The following TM6SF1 variants were observed in gnomAD, a reference collection of about 807,000 sequenced individuals.
The protein encoded by TM6SF1 is transmembrane 6 superfamily member 1.
Under a neutral mutation model 47.1 loss-of-function variants are expected in TM6SF1, and 43 were observed. That is an observed-to-expected ratio of 0.91 (90% CI 0.72 to 1.18). The LOEUF (loss-of-function observed/expected upper bound fraction) is 1.18. TM6SF1 is among the 50% of genes most tolerant of loss of function. The pLI is 0.00. For missense variants in TM6SF1, 390 were observed against 449.0 expected, an observed-to-expected ratio of 0.87 and a Z score of 1.19; for synonymous variants, 177 against 166.3, an observed-to-expected ratio of 1.06 and a Z score of -0.49.
At chr15:83,134,620 T>C (rs1015276288) in intron 9 of TM6SF1, 6 of 152,194 alleles carry the variant, frequency 3.9e-5, no homozygotes, top group African/African-American at 1.4e-4. Flanking sequence ...ATCACTGACT[T>C]TTTACACAGG....
At chr15:83,114,342 G>C (rs1262319402) in intron 2 of TM6SF1, 2 of 152,322 alleles carry the variant, frequency 1.3e-5, no homozygotes, top group African/African-American at 4.8e-5. Flanking sequence ...CTAGAAGGCA[G>C]AGACCATGTC....
In TM6SF1 at chr15:83,136,928, T is replaced by C. The variant is rs2036651822; in HGVS notation, c.*256T>C. 3.6e-6 allele frequency: 1 copy of C among 280,444 alleles called. No homozygotes were observed. The highest frequency in any genetic ancestry group is 6.7e-6 in the Non-Finnish European group (1 of 150,106). 17.4% of individuals were successfully genotyped at this position (280,444 alleles called of 1,614,324 possible). On this transcript the variant is annotated 3_prime_UTR_variant, in exon 10 of 10. Transcript: ENST00000322019. ...TAAACTTGATCATCCATCTCAATAT[T>C]GTTTGACATATAAAATAATTATAAG...
intron 3 of TM6SF1, among the ~76,000 whole-genome samples, chr15:83,119,285 A>G (rs1319605023): frequency 6.6e-6 from 1 of 152,234 alleles, no homozygotes; most frequent in Non-Finnish European, 1.5e-5. Flanking sequence ...CCATACAGCC[A>G]GGATTGCCTA....
At chr15:83,114,309 C>T (rs764290925) in intron 2 of TM6SF1, 6 of 152,342 alleles carry the variant, frequency 3.9e-5, no homozygotes, top group Non-Finnish European at 7.3e-5. Flanking sequence ...CAGGGTGAGG[C>T]TCAAGGCCAG....
At chr15:83,111,361 T>C (rs1486040724) in intron 1 of TM6SF1, among the ~76,000 whole-genome samples, 1 of 151,760 alleles carries the variant, frequency 6.6e-6, no homozygotes, top group Admixed American at 6.6e-5. Flanking sequence ...AATTCATCCA[T>C]CATCCATCCA....
chr15:83,126,354 A>AT (rs2035751580), intron 7 of TM6SF1, among the ~76,000 whole-genome samples: 1 of 152,140 alleles, frequency 6.6e-6, no homozygotes, highest in Non-Finnish European at 1.5e-5. Context: ...GGAAGGTGCT[A>AT]TTTTCAAATC....
chr15:83,134,645 T>C (rs1293595319), intron 9 of TM6SF1: 1 of 152,226 alleles, frequency 6.6e-6, no homozygotes. Context: ...CCTATGCAAG[T>C]AGGCACAACT....
intron 9 of TM6SF1, chr15:83,129,315 G>C (rs935276841): frequency 1.5e-4 from 23 of 152,220 alleles, no homozygotes; most frequent in African/African-American, 5.5e-4. Context: ...ACTCAGAGTA[G>C]CTTAACACAA....
intron 9 of TM6SF1, chr15:83,128,827 G>A (rs1440080560): frequency 1.3e-5 from 2 of 151,710 alleles, no homozygotes; most frequent in East Asian, 1.9e-4. Flanking sequence ...CCACCACTAA[G>A]TCCTTTTTTT....
In TM6SF1 at chr15:83,107,786, CGCGGCGGGGGTCGCGCCGAGGG is replaced by C. The variant is rs760480072; in HGVS notation, c.92+23_92+44del. On this transcript the variant is annotated intron_variant, in intron 1 of 9. Transcript: ENST00000322019. The surrounding 1 kb of genome is among the most constrained non-coding windows in gnomAD (Gnocchi z 5.6). ...GGCCCAGCATGAGTGAGTGAGCCGG[CGCGGCGGGGGTCGCGCCGAGGG>C]GCGGCGGGAGTTGGCTCGCCGCGAC... 79 of 1,572,260 alleles carry C rather than the reference CGCGGCGGGGGTCGCGCCGAGGG, an allele frequency of 5.0e-5. No homozygotes were observed. The highest frequency in any genetic ancestry group is 3.5e-4 in the East Asian group (14 of 40,356).
Position 83,121,902 on chromosome 15 carries a change from T to G in TM6SF1, c.399-19T>G, listed in dbSNP as rs199932062. 18 of 1,573,058 alleles carry G rather than the reference T, an allele frequency of 1.1e-5. No individual in the cohort carries two copies. Among genetic ancestry groups the G allele is most frequent in the South Asian group, 3.6e-5 (3 of 84,358 alleles). The stretch of plus-strand genomic sequence containing the variant: ...GACAAACATACCAAGTCAAGATTTT[T>G]TTGTTGTTGTTGTTACAGGGAAACT... On this transcript the variant is annotated intron_variant, in intron 4 of 9. Transcript: ENST00000322019.
chr15:83,123,879 C>G (rs1450682921), intron 6 of TM6SF1, among the ~76,000 whole-genome samples: 19 of 152,356 alleles, frequency 1.2e-4, no homozygotes, highest in East Asian at 1.9e-4. Context: ...GCCAAGCAGG[C>G]ATTGTCATAC....
chr15:83,126,788 TTATA>T lies in TM6SF1; in HGVS notation c.745_748del (p.Tyr249ArgfsTer8), dbSNP rs775131968. The T allele has an allele frequency of 6.2e-6, 10 of 1,613,892 alleles. No homozygotes were observed. The highest frequency in any genetic ancestry group is 8.5e-6 in the Non-Finnish European group (10 of 1,179,900). On this transcript the variant is annotated frameshift_variant, in exon 8 of 10. Coordinates refer to ENST00000322019, the MANE Select transcript of TM6SF1 (RefSeq NM_023003.5). LOFTEE classifies it high-confidence loss of function. ...GGATTGCCCATCTGAGCTCTGCCGA[TTATA>T]TACGCAATTTCAAGAGCCCTATCTA...
At chr15:83,126,138 C>T (rs139063792) in intron 7 of TM6SF1, among the ~76,000 whole-genome samples, 55 of 152,260 alleles carry the variant, frequency 3.6e-4, no homozygotes, top group Non-Finnish European at 7.4e-4. Flanking sequence ...TTTTTACCAA[C>T]TCTGTCATTG....
chr15:83,115,210 T>TTCAAAA, intron 2 of TM6SF1: 1 of 157,012 alleles, frequency 6.4e-6, no homozygotes, highest in Admixed American at 6.3e-5. Flanking sequence ...CTCCGCCTCC[T>TTCAAAA]GGGTTCAAGC....
chr15:83,111,686 A>G, intron 1 of TM6SF1: 1 of 985,382 alleles, frequency 1.0e-6, no homozygotes. Flanking sequence ...GTCCTGGTGT[A>G]GCAGGCCATT....
At chr15:83,115,753 G>A (rs1402413708) in intron 2 of TM6SF1, 92 bp from the exon 3 acceptor site, 2 of 885,112 alleles carry the variant, frequency 2.3e-6, no homozygotes, top group Non-Finnish European at 3.8e-6. Flanking sequence ...TGGAAAACAT[G>A]AAAAACATTC....
At position 83,137,153 on chromosome 15, in the gene TM6SF1, GA is replaced by G. The variant is rs2036661651; in HGVS notation, c.*486del. 1 of 152,108 alleles carries G rather than the reference GA, an allele frequency of 6.6e-6. No individual in the cohort carries two copies. The highest frequency in any genetic ancestry group is 2.1e-4 in the South Asian group (1 of 4,832). 9.4% of individuals were successfully genotyped at this position (152,108 alleles called of 1,614,324 possible). A position where few individuals can be genotyped will look rare whatever the true frequency, so the allele number is the denominator to read the frequency against. On this transcript the variant is annotated 3_prime_UTR_variant, in exon 10 of 10. Coordinates refer to ENST00000322019, the MANE Select transcript of TM6SF1 (RefSeq NM_023003.5). ...ATCAGAATATTTTTAAATGTTGTTT[GA>G]AAAATGTTTTCCCAAGGAAAGTTTA...
intron 9 of TM6SF1, chr15:83,132,298 T>C (rs868844059): frequency 1.3e-5 from 2 of 152,198 alleles, no homozygotes; most frequent in South Asian, 4.1e-4. Context: ...GACAAACTAA[T>C]TAAATTAAGT....
Sources: allele counts gnomAD v4.1 joint callset (sites outside exome capture counted in the v4.1 genomes callset), GRCh38; gene constraint gnomAD v4.1.1; non-coding constraint Gnocchi (gnomAD v3.1); transcripts MANE v1.5; gene names NCBI Gene and HGNC (gene_info 2026-07-23, HGNC 2026-07-21).